DNAH5: variants seen among roughly 807,000 people sequenced by gnomAD.
DNAH5 encodes the protein axonemal beta dynein heavy chain 5.
DNAH5 carries 372 observed loss-of-function variants against 518.2 expected under a neutral mutation model. The observed-to-expected ratio is 0.72, with a 90% CI of 0.66 to 0.78. DNAH5 has a LOEUF of 0.78. DNAH5 is among the 30% of genes least tolerant of loss of function. The probability of loss-of-function intolerance (pLI) is 0.00; values close to 1 mark genes in which losing one functional copy is unlikely to be tolerated. For missense variants in DNAH5, 5,523 were observed against 5,687.0 expected, an observed-to-expected ratio of 0.97 and a Z score of 0.93; for synonymous variants, 2,039 against 2,025.9, an observed-to-expected ratio of 1.01 and a Z score of -0.17.
intron 1 of DNAH5, among the ~76,000 whole-genome samples, chr5:13,959,975 A>G (rs1388215165): frequency 6.6e-6 from 1 of 152,126 alleles, no homozygotes; most frequent in Non-Finnish European, 1.5e-5. Context: ...TCTCAAAAAA[A>G]AAGATTCCTC....
chr5:13,744,332 G>A (rs1561158615), intron 65 of DNAH5, among the ~76,000 whole-genome samples: 1 of 151,936 alleles, frequency 6.6e-6, no homozygotes, highest in Non-Finnish European at 1.5e-5. Flanking sequence ...ACTAGAGGCT[G>A]GGAAGGGTAG....
rs774825399 is a variant in DNAH5 at position 13,768,960 on chromosome 5, C to G, written c.9897G>C (p.Gln3299His). The change falls in exon 58 of 79, where the codon CAG becomes CAC. Residue 3299 changes from glutamine to histidine, a missense_variant and splice_region_variant. Transcript: ENST00000265104. The part of the protein sequence containing the change: ...PALEEAEAAL[Q>H]TIRPSDIATV... ...CATCTGTTATATCACATAGATGCAC[C>G]TGCAATGCAGCTTCTGCCTCTTCTA... 1 of 1,614,100 alleles carries G rather than the reference C, an allele frequency of 6.2e-7. No individual in the cohort carries two copies. Among genetic ancestry groups the G allele is most frequent in the Non-Finnish European group, 8.5e-7 (1 of 1,179,970 alleles).
rs964181737 is a variant in DNAH5, at chr5:13,876,697, T to C, written c.3383A>G (p.Asn1128Ser). Reference sequence around the variant, plus strand: ...CTCTTGACATACCTTTTTGGTGGAGTTGATAATTGTGCTAAGCACAGAAAC... The same window carrying C: ...CTCTTGACATACCTTTTTGGTGGAGCTGATAATTGTGCTAAGCACAGAAAC... ...KLVSVLSTII[N>S]STKKEVITSM... The change falls in exon 22 of 79, where the codon AAC becomes AGC. Residue 1128 changes from asparagine to serine, a missense_variant. By Grantham distance (46) the Asn-to-Ser change is conservative. Around this residue, in one of 3 missense-constraint regions of DNAH5, gnomAD observed 5,121 missense variants for 5,223.3 expected, o/e 0.98. Coordinates refer to ENST00000265104, the MANE Select transcript of DNAH5 (RefSeq NM_001369.3). 6 of 1,613,382 alleles carry C rather than the reference T, an allele frequency of 3.7e-6. No individual in the cohort carries two copies. The African/African-American group carries it at 5.3e-5, about 14-fold the overall frequency.
chr5:13,935,176 G>A (rs1778809640), intron 1 of DNAH5, among the ~76,000 whole-genome samples: 1 of 152,104 alleles, frequency 6.6e-6, no homozygotes, highest in Admixed American at 6.6e-5. Flanking sequence ...CTTCCAAAGA[G>A]CACAGAGATT....
chr5:13,808,752 G>A (rs137954055), intron 46 of DNAH5, among the ~76,000 whole-genome samples: 1,742 of 152,060 alleles, frequency 0.011, 41 homozygotes, highest in African/African-American at 0.036. Context: ...GAGGTCAGGA[G>A]ATCGAGACCA....
Position 13,819,863 on chromosome 5 carries a change from A to G in DNAH5, c.6841+483T>C, listed in dbSNP as rs13353976. 6.2e-3 allele frequency among the ~76,000 whole-genome samples: 943 copies of G among 152,314 alleles called. 6 individuals are homozygous for G. The highest frequency in any genetic ancestry group is 0.021 in the African/African-American group (888 of 41,572). ...TTGGGATGACTTCGGCATATAGAAC[A>G]TAAGAGTTGGGTTTGGAATTATTTT... On this transcript the variant is annotated intron_variant, in intron 41 of 78. Coordinates refer to ENST00000265104, the MANE Select transcript of DNAH5 (RefSeq NM_001369.3).
At chr5:13,977,328 G>A (rs147681539) in intron 1 of DNAH5, among the ~76,000 whole-genome samples, 152 of 152,268 alleles carry the variant, frequency 1.0e-3, no homozygotes, top group African/African-American at 3.6e-3. Flanking sequence ...CACTGTGAAG[G>A]ACGTGGGACG....
intron 1 of DNAH5, among the ~76,000 whole-genome samples, chr5:13,961,165 C>A (rs1781150180): frequency 6.6e-6 from 1 of 152,174 alleles, no homozygotes; most frequent in East Asian, 1.9e-4. Flanking sequence ...CTTTCCAGTT[C>A]TTTTCTGTAT....
At chr5:13,763,022 T>A in intron 59 of DNAH5, 121 bp from the exon 60 acceptor site, 10 of 851,504 alleles carry the variant, frequency 1.2e-5, no homozygotes, top group Non-Finnish European at 1.7e-5. Context: ...GGCATCATAT[T>A]TTGTCACTAT....
Position 13,700,851 on chromosome 5 carries a change from T to C in DNAH5, c.13512A>G (p.Lys4504=). ...GCACCATATTGTCCAGAGCCCAGCC[T>C]TTGTTGGCCCGAGTTATTTCCTATT... is the stretch of plus-strand genomic sequence containing the variant. The part of the protein sequence containing the change: ...AMRQEITRAN[K]GWALDNMVLC... The change falls in exon 78 of 79, where the codon AAA becomes AAG. Residue 4504 remains lysine (K), a synonymous_variant. Transcript: ENST00000265104. The C allele has an allele frequency of 6.2e-7, 1 of 1,614,186 alleles. No individual in the cohort carries two copies.
Position 13,971,798 on chromosome 5 carries a change from A to G in DNAH5, c.12+39850T>C, listed in dbSNP as rs1203753338. On this transcript the variant is annotated intron_variant, in intron 1 of 78. Transcript: ENST00000681290. The stretch of plus-strand genomic sequence containing the variant: ...CTTTCAAGACAGCATCAGTTGTGGT[A>G]GTATAGGGAGGATACAAGCTTACTC... Among the ~76,000 whole-genome samples the G allele has an allele frequency of 2.0e-5, 3 of 152,088 alleles. No homozygotes were observed. In the East Asian group the frequency reaches 5.8e-4, roughly 29 times the overall value.
At chr5:13,842,445 A>AAG (rs1765360070) in intron 32 of DNAH5, among the ~76,000 whole-genome samples, 1 of 97,804 alleles carries the variant, frequency 1.0e-5, no homozygotes, top group African/African-American at 4.7e-5. Flanking sequence ...GAAAGAAAGA[A>AAG]AGAAAGAAAG....
rs768917457 is a variant in DNAH5 at position 13,717,374 on chromosome 5, C to T, written c.12646G>A (p.Asp4216Asn). 1.5e-5 allele frequency: 25 copies of T among 1,613,918 alleles called. No homozygotes were observed. Among genetic ancestry groups the T allele is most frequent in the Admixed American group, 1.5e-4 (9 of 59,998 alleles). The change falls in exon 73 of 79, where the codon GAC becomes AAC. Residue 4216 changes from aspartate to asparagine, a missense_variant. Transcript: ENST00000265104. ...ATGAACTGCACAGTGGCATTAAAGT[C>T]CGCTTGGTTAAATTCGTAGGGGATA... is the stretch of plus-strand genomic sequence containing the variant. ...WNIPYEFNQADFNATVQFIQN... is the reference protein window; with the variant it reads ...WNIPYEFNQANFNATVQFIQN...
intron 24 of DNAH5, among the ~76,000 whole-genome samples, chr5:13,868,636 G>C (rs891921032): frequency 4.6e-5 from 7 of 152,206 alleles, no homozygotes; most frequent in African/African-American, 1.7e-4. Flanking sequence ...GGTGGAATGA[G>C]TGCCTGATTA....
intron 1 of DNAH5, among the ~76,000 whole-genome samples, chr5:13,956,390 T>C (rs1780762445): frequency 6.6e-6 from 1 of 152,232 alleles, no homozygotes. Context: ...ATACTGTGTA[T>C]AGTCATCAAC....
intron 12 of DNAH5, among the ~76,000 whole-genome samples, chr5:13,910,455 C>T (rs548201727): frequency 9.2e-5 from 14 of 152,342 alleles, no homozygotes; most frequent in African/African-American, 2.4e-4. Context: ...ACTCGCTCCT[C>T]CCAAGGTGTC....
intron 68 of DNAH5, among the ~76,000 whole-genome samples, chr5:13,732,814 C>A (rs1365886483): frequency 6.6e-6 from 1 of 152,112 alleles, no homozygotes; most frequent in Non-Finnish European, 1.5e-5. Flanking sequence ...AACATTTGCA[C>A]CATAACACTA....
At chr5:13,970,163 T>A (rs768923570) in intron 1 of DNAH5, among the ~76,000 whole-genome samples, 2 of 152,182 alleles carry the variant, frequency 1.3e-5, no homozygotes, top group Non-Finnish European at 2.9e-5. Context: ...TCCACCCCTT[T>A]ACCTTAAATG....
upstream of DNAH5, among the ~76,000 whole-genome samples, chr5:13,946,555 T>C (rs1365733953): frequency 1.3e-5 from 2 of 152,156 alleles, no homozygotes; most frequent in African/African-American, 4.8e-5. Flanking sequence ...TGATCAAACA[T>C]TGTTCGGTAG....
Sources: allele counts gnomAD v4.1 joint callset (sites outside exome capture counted in the v4.1 genomes callset), GRCh38; gene constraint gnomAD v4.1.1; regional missense constraint gnomAD v4.1.1; transcripts MANE v1.5; gene names NCBI Gene and HGNC (gene_info 2026-07-23, HGNC 2026-07-21).